The following CDC73 variants were observed in gnomAD, a reference collection of about 807,000 sequenced individuals.
CDC73 encodes cell division cycle 73, also known as parafibromin.
CDC73 carries 21 observed loss-of-function variants against 83.7 expected under a neutral mutation model. That is an observed-to-expected ratio of 0.25 (90% CI 0.18 to 0.36). CDC73 has a LOEUF of 0.36. Ranked by LOEUF, CDC73 falls within the 10% of genes least tolerant of loss-of-function variation. The pLI, the probability that CDC73 is intolerant of heterozygous loss-of-function variation, is 1.00. For missense variants in CDC73, 342 were observed against 653.3 expected, an observed-to-expected ratio of 0.52 and a Z score of 5.19; for synonymous variants, 224 against 212.9, an observed-to-expected ratio of 1.05 and a Z score of -0.45.
chr1:193,146,535 G>A (rs1676004023), intron 7 of CDC73, among the ~76,000 whole-genome samples: 2 of 150,934 alleles, frequency 1.3e-5, no homozygotes, highest in African/African-American at 2.4e-5. Flanking sequence ...GACACAGAGA[G>A]AAATGGGGCC....
intron 16 of CDC73, 74 bp downstream of exon 16, chr1:193,249,945 A>G (rs563809333): frequency 1.4e-6 from 2 of 1,428,588 alleles, no homozygotes; most frequent in South Asian, 1.2e-5. Context: ...TTTAAGTTCC[A>G]TAGAGTTGTC....
intron 13 of CDC73, among the ~76,000 whole-genome samples, chr1:193,218,427 A>G (rs995399639): frequency 1.3e-5 from 2 of 152,244 alleles, no homozygotes; most frequent in Non-Finnish European, 2.9e-5. Flanking sequence ...TCTAAAATCC[A>G]TATGGAACCA....
intron 10 of CDC73, chr1:193,181,325 G>A (rs767764174): frequency 8.7e-6 from 14 of 1,613,920 alleles, no homozygotes; most frequent in African/African-American, 4.0e-5. Flanking sequence ...CAAATGTTCC[G>A]AAGGGAGCTG....
rs532534268 is a variant in CDC73 at position 193,192,755 on chromosome 1, T to C, written c.973-11040T>C. Among the ~76,000 whole-genome samples, 94 of 152,338 alleles carry C rather than the reference T, an allele frequency of 6.2e-4. 1 individual carries two copies. The highest frequency in any genetic ancestry group is 5.2e-3 in the Admixed American group (79 of 15,312). On this transcript the variant is annotated intron_variant, in intron 10 of 16. Transcript: ENST00000367435. ...CAGCCACGTGCCAACTAACTGGCCT[T>C]GCCGGCATTTATTCAGCACAGATTT...
intron 2 of CDC73, among the ~76,000 whole-genome samples, chr1:193,128,587 G>T (rs1675629206): frequency 1.3e-5 from 2 of 151,976 alleles, no homozygotes; most frequent in African/African-American, 2.4e-5. Context: ...TTACAGGCAT[G>T]AACCACCATG....
chr1:193,124,985 T>C, intron 1 of CDC73, 127 bp from the exon 2 acceptor site: 1 of 693,964 alleles, frequency 1.4e-6, no homozygotes, highest in Non-Finnish European at 2.6e-6. Flanking sequence ...TTATTAGATT[T>C]TATACTTTTT....
At chr1:193,225,270 A>ATATC (rs1553290126) in intron 13 of CDC73, among the ~76,000 whole-genome samples, 1 of 148,320 alleles carries the variant, frequency 6.7e-6, no homozygotes, top group Non-Finnish European at 1.5e-5. Flanking sequence ...ATATATATAT[A>ATATC]TATCCACATA....
At chr1:193,169,882 A>G (rs1206569034) in intron 10 of CDC73, among the ~76,000 whole-genome samples, 2 of 152,004 alleles carry the variant, frequency 1.3e-5, no homozygotes, top group Non-Finnish European at 2.9e-5. Context: ...TTTGTTGTAC[A>G]GATTATTTCA....
intron 13 of CDC73, among the ~76,000 whole-genome samples, chr1:193,219,460 C>T (rs748472580): frequency 2.0e-5 from 3 of 152,094 alleles, no homozygotes; most frequent in Non-Finnish European, 4.4e-5. Context: ...CATTGTGGCA[C>T]GTTTTACAAT....
Position 193,252,077 on chromosome 1 carries a change from T to C in CDC73, c.*1365T>C, listed in dbSNP as rs180929933. The C allele has an allele frequency of 1.5e-3, 343 of 231,398 alleles. 1 individual carries two copies. Among genetic ancestry groups the C allele is most frequent in the Non-Finnish European group, 2.2e-3 (261 of 116,836 alleles). The allele number at this position is 231,398 out of a possible 1,614,324, so 14.3% of individuals were successfully genotyped here. On this transcript the variant is annotated 3_prime_UTR_variant, in exon 17 of 17. Transcript: ENST00000367435. Reference sequence around the variant, plus strand: ...ACACTGTCACAAAAATGAGAAGTTATTATTTTTTAAGTGATCACATAGTTC... The same window carrying C: ...ACACTGTCACAAAAATGAGAAGTTACTATTTTTTAAGTGATCACATAGTTC...
At chr1:193,197,157 T>G (rs1226291580) in intron 10 of CDC73, among the ~76,000 whole-genome samples, 1 of 152,158 alleles carries the variant, frequency 6.6e-6, no homozygotes, top group Non-Finnish European at 1.5e-5. Context: ...GAGTATTAAT[T>G]TTTGTCTTTT....
chr1:193,196,465 G>A (rs1285537664), intron 10 of CDC73, among the ~76,000 whole-genome samples: 1 of 152,146 alleles, frequency 6.6e-6, no homozygotes, highest in South Asian at 2.1e-4. Context: ...TTGAGGTCCC[G>A]TGAGATTCCA....
intron 1 of CDC73, among the ~76,000 whole-genome samples, chr1:193,123,228 A>G (rs947970637): frequency 2.0e-5 from 3 of 152,008 alleles, no homozygotes; most frequent in African/African-American, 7.2e-5. Flanking sequence ...GTTGGTTGGT[A>G]TTTATTTATT....
chr1:193,184,760 T>C (rs1027711821), intron 10 of CDC73, among the ~76,000 whole-genome samples: 3 of 151,964 alleles, frequency 2.0e-5, no homozygotes, highest in Admixed American at 1.3e-4. Flanking sequence ...TACTATTTAT[T>C]ATTAGTCTTT....
At chr1:193,197,967 A>G (rs182911693) in intron 10 of CDC73, among the ~76,000 whole-genome samples, 16 of 151,916 alleles carry the variant, frequency 1.1e-4, no homozygotes, top group Admixed American at 2.6e-4. Context: ...CAAAGAATGA[A>G]TGTTGTTTAA....
Position 193,200,119 on chromosome 1 carries a change from G to T in CDC73, c.973-3676G>T, listed in dbSNP as rs185034624. Among the ~76,000 whole-genome samples, 70 of 151,818 alleles carry T rather than the reference G, an allele frequency of 4.6e-4. No homozygotes were observed. The East Asian group carries it at 0.013, about 29-fold the overall frequency. ...AGCCTGGCATGGTGGTGCGTGCCTGGAGGCTGAGGTGAGAAAACTGCTTAA... is the reference window on the plus strand; with the variant it reads ...AGCCTGGCATGGTGGTGCGTGCCTGTAGGCTGAGGTGAGAAAACTGCTTAA... On this transcript the variant is annotated intron_variant, in intron 10 of 16. Coordinates refer to ENST00000367435, the MANE Select transcript of CDC73 (RefSeq NM_024529.5).
intron 2 of CDC73, among the ~76,000 whole-genome samples, chr1:193,126,528 A>G (rs1447865239): frequency 1.3e-5 from 2 of 152,244 alleles, no homozygotes. Context: ...GAAAAGTACT[A>G]TAATGCCCAC....
rs746284962 is a variant in CDC73 at position 193,181,279 on chromosome 1, G to A, written c.973-22516G>A. 8 of 1,613,960 alleles carry A rather than the reference G, an allele frequency of 5.0e-6. No homozygotes were observed. The African/African-American group carries it at 9.3e-5, about 19-fold the overall frequency. On this transcript the variant is annotated intron_variant, in intron 10 of 16. Coordinates refer to ENST00000367435, the MANE Select transcript of CDC73 (RefSeq NM_024529.5). ...GTCTGTGTTATTAGAGTTAGTTGCT[G>A]TTTGAGGCCTCAGGGTTTGAGGGAC... is the stretch of plus-strand genomic sequence containing the variant.
chr1:193,135,264 TG>T (rs1171322205), intron 3 of CDC73, 126 bp from the exon 4 acceptor site: 1 of 770,426 alleles, frequency 1.3e-6, no homozygotes, highest in Non-Finnish European at 2.2e-6. Flanking sequence ...GCTTTAAAAC[TG>T]AATTTTTTAC....
Sources: gnomAD v4.1 joint callset for allele counts (sites outside exome capture counted in the v4.1 genomes callset) on GRCh38, gnomAD v4.1.1 for gene constraint, MANE v1.5 for transcripts, NCBI Gene and HGNC (gene_info 2026-07-23, HGNC 2026-07-21) for gene names.